NPC1: variants seen among roughly 807,000 people sequenced by gnomAD.
NPC1 encodes the protein Niemann-Pick C1 protein.
Under a neutral mutation model 140.4 loss-of-function variants are expected in NPC1, and 85 were observed. The ratio of observed to expected loss-of-function variants is 0.61; its 90% CI spans 0.51 to 0.72. The LOEUF (loss-of-function observed/expected upper bound fraction) is 0.72, where lower values mean the gene tolerates loss of function less well. Among genes scored for constraint, NPC1 ranks in the 30% least tolerant of loss-of-function variants. The pLI is 0.00. For missense variants in NPC1, 1,504 were observed against 1,623.8 expected (o/e 0.93, Z 1.27); for synonymous variants, 656 against 624.8 (o/e 1.05, Z -0.74).
At chr18:23,581,026 G>A (rs948133254) in intron 1 of NPC1, among the ~76,000 whole-genome samples, 1 of 152,180 alleles carries the variant, frequency 6.6e-6, no homozygotes, top group Non-Finnish European at 1.5e-5. Flanking sequence ...TGAGTGCTAG[G>A]TGTGCTCAGC....
chr18:23,529,363 G>A (rs146804044), downstream of NPC1: 19 of 1,555,254 alleles, frequency 1.2e-5, no homozygotes, highest in Middle Eastern at 1.9e-4. Context: ...TGCTGAAAAC[G>A]AGGAGACTTC....
intron 1 of NPC1, chr18:23,523,053 A>G (rs980458299): frequency 8.5e-5 from 13 of 152,294 alleles, no homozygotes; most frequent in African/African-American, 2.9e-4. Context: ...CTCACCTGAC[A>G]GTGTGTAGGT....
intron 1 of NPC1, among the ~76,000 whole-genome samples, chr18:23,523,240 G>C (rs951219406): frequency 6.6e-6 from 1 of 152,034 alleles, no homozygotes; most frequent in Admixed American, 6.6e-5. Flanking sequence ...ATTGTACCTG[G>C]GTAATTGGAA....
At chr18:23,558,499 C>G (rs2058987339) in intron 6 of NPC1, among the ~76,000 whole-genome samples, 1 of 152,062 alleles carries the variant, frequency 6.6e-6, no homozygotes, top group South Asian at 2.1e-4. Context: ...AATACCTGAC[C>G]AGTATCATCA....
At chr18:23,534,850 T>C (rs1267530672) in intron 22 of NPC1, among the ~76,000 whole-genome samples, 2 of 152,208 alleles carry the variant, frequency 1.3e-5, no homozygotes, top group Non-Finnish European at 2.9e-5. Flanking sequence ...AGCTGGCGCA[T>C]TGTCACAACT....
intron 3 of NPC1, among the ~76,000 whole-genome samples, chr18:23,571,063 G>C (rs1244184759): frequency 6.6e-6 from 1 of 152,194 alleles, no homozygotes; most frequent in Non-Finnish European, 1.5e-5. Flanking sequence ...AGTTTGAAAG[G>C]AGCCTGGCCG....
At chr18:23,526,205 T>C (rs2145260440), downstream of NPC1, among the ~76,000 whole-genome samples, 1 of 152,366 alleles carries the variant, frequency 6.6e-6, no homozygotes, top group Middle Eastern at 3.4e-3. Context: ...ATTGAGAGCC[T>C]CTGGAGTTAC....
intron 18 of NPC1, 28 bp from the exon 19 acceptor site, chr18:23,539,498 C>T (rs1362753970): frequency 5.4e-6 from 8 of 1,484,942 alleles, no homozygotes; most frequent in Non-Finnish European, 5.6e-6. Context: ...GGTTACTGAC[C>T]TGCTCCACAG....
At chr18:23,557,539 G>A (rs773824469) in intron 6 of NPC1, among the ~76,000 whole-genome samples, 15 of 152,182 alleles carry the variant, frequency 9.9e-5, no homozygotes, top group African/African-American at 2.4e-4. Flanking sequence ...GCGGGATCAC[G>A]AGGTCAAGAG....
chr18:23,526,851 TTG>T, downstream of NPC1: 5 of 1,522,682 alleles, frequency 3.3e-6, no homozygotes, highest in South Asian at 1.3e-5. Context: ...GGCTACATTG[TTG>T]TGTCTTGTCT....
At chr18:23,527,223 CAAAAAAAAA>C (rs386387173), downstream of NPC1, among the ~76,000 whole-genome samples, 2 of 43,670 alleles carry the variant, frequency 4.6e-5, no homozygotes, top group Non-Finnish European at 1.0e-4. Context: ...CCTGTCTCTA[CAAAAAAAAA>C]AAAAAAAAAA....
chr18:23,533,501 G>A lies in NPC1; in HGVS notation c.3608C>T (p.Thr1203Ile). The A allele has an allele frequency of 6.2e-7, 1 of 1,614,230 alleles. No individual in the cohort carries two copies. Among genetic ancestry groups the A allele is most frequent in the Non-Finnish European group, 8.5e-7 (1 of 1,180,020 alleles). Residue 1203 changes from threonine to isoleucine, a missense_variant, in exon 24 of 25, where the codon ACA (threonine) becomes ATA (isoleucine). By Grantham distance (89) the Thr-to-Ile change is moderately conservative. Transcript: ENST00000269228. ...CACAATCCCTCCAAATTTTGTAAGT[G>A]TGATTCCACTGAACACCTAAAAGAA... ...HMGSSVFSGI[T>I]LTKFGGIVVL... is the part of the protein sequence containing the mutation.
At chr18:23,543,647 C>T in intron 13 of NPC1, 78 bp from the exon 14 acceptor site, 2 of 835,116 alleles carry the variant, frequency 2.4e-6, no homozygotes, top group South Asian at 2.9e-5. Context: ...CTTGTGTTAA[C>T]TCAAGGGTAA....
intron 4 of NPC1, 132 bp from the exon 5 acceptor site, chr18:23,561,659 C>T: frequency 1.1e-6 from 1 of 889,096 alleles, no homozygotes; most frequent in Non-Finnish European, 1.8e-6. Flanking sequence ...GGACAGCAAA[C>T]ACTAACTAAG....
At chr18:23,551,523 C>T in intron 10 of NPC1, 104 bp downstream of exon 10, 1 of 926,098 alleles carries the variant, frequency 1.1e-6, no homozygotes, top group Non-Finnish European at 1.8e-6. Context: ...AAGAAATTAA[C>T]AAAACTGCCC....
chr18:23,542,254 T>C (rs1955477796), intron 14 of NPC1, among the ~76,000 whole-genome samples: 2 of 150,472 alleles, frequency 1.3e-5, no homozygotes, highest in African/African-American at 4.9e-5. Flanking sequence ...AGAAAGTTTT[T>C]TCTTTTTTTT....
downstream of NPC1, among the ~76,000 whole-genome samples, chr18:23,520,687 G>A (rs2058120410): frequency 6.6e-6 from 1 of 151,802 alleles, no homozygotes; most frequent in African/African-American, 2.4e-5. Flanking sequence ...CCAGGCTGGA[G>A]TGCAGTGGCA....
chr18:23,538,835 T>C (rs896284049), intron 19 of NPC1, 164 bp from the exon 20 acceptor site: 9 of 722,812 alleles, frequency 1.2e-5, no homozygotes, highest in African/African-American at 7.1e-5. Flanking sequence ...TTCAGCCACA[T>C]GTCACTTTCA....
At chr18:23,576,565 T>G in intron 1 of NPC1, 1 of 960,000 alleles carries the variant, frequency 1.0e-6, no homozygotes, top group Non-Finnish European at 1.2e-6. Flanking sequence ...TTGGTCTCAC[T>G]GACTTCAAGA....
Sources: allele counts gnomAD v4.1 joint callset (sites outside exome capture counted in the v4.1 genomes callset), GRCh38; gene constraint gnomAD v4.1.1; transcripts MANE v1.5; gene names NCBI Gene and HGNC (gene_info 2026-07-23, HGNC 2026-07-21).